RAB27B: variants seen among roughly 807,000 people sequenced by gnomAD.
RAB27B encodes the protein RAB27B, member RAS oncogene family.
Under a neutral mutation model 24.6 loss-of-function variants are expected in RAB27B, and 15 were observed. The observed-to-expected ratio is 0.61, with a 90% CI of 0.41 to 0.94. RAB27B has a LOEUF of 0.94. RAB27B is among the 40% of genes least tolerant of loss of function. RAB27B has a pLI of 0.00. For synonymous variants in RAB27B, 105 were observed against 92.5 expected (o/e 1.14, Z -0.78); for missense variants, 261 against 266.8 (o/e 0.98, Z 0.15).
chr18:54,876,740 T>C (rs887355121), intron 1 of RAB27B, among the ~76,000 whole-genome samples: 8 of 152,152 alleles, frequency 5.3e-5, no homozygotes, highest in African/African-American at 1.9e-4. Context: ...TATAGAAGGC[T>C]CATCCTGCAT....
At chr18:54,770,564 A>G (rs1908512235) in intron 2 of RAB27B, among the ~76,000 whole-genome samples, 1 of 152,052 alleles carries the variant, frequency 6.6e-6, no homozygotes, top group Admixed American at 6.6e-5. Context: ...GCAATGTAAT[A>G]ATAATCGAAA....
chr18:54,884,839 C>T (rs937913123), intron 4 of RAB27B, among the ~76,000 whole-genome samples: 19 of 152,084 alleles, frequency 1.2e-4, no homozygotes, highest in Non-Finnish European at 2.9e-5. Context: ...TCTGAGGGGA[C>T]ACTGGCACTG....
intron 2 of RAB27B, among the ~76,000 whole-genome samples, chr18:54,780,354 G>T (rs1174506441): frequency 3.8e-5 from 5 of 130,330 alleles, no homozygotes; most frequent in South Asian, 2.6e-4. Context: ...TCTCCTGATG[G>T]TCTCCCCCTC....
intron 1 of RAB27B, among the ~76,000 whole-genome samples, chr18:54,874,236 A>T (rs549869268): frequency 6.6e-5 from 10 of 152,304 alleles, no homozygotes; most frequent in South Asian, 2.1e-4. Flanking sequence ...CCTCCACGCT[A>T]TAAGGTTAAA....
At chr18:54,864,463 T>A (rs189771643) in intron 1 of RAB27B, among the ~76,000 whole-genome samples, 68 of 152,162 alleles carry the variant, frequency 4.5e-4, no homozygotes, top group African/African-American at 1.4e-3. Flanking sequence ...TTTTCCTTTT[T>A]TTCATGGTGT....
At position 54,720,079 on chromosome 18, in the gene RAB27B, A is replaced by T. The variant is rs555662570; in HGVS notation, c.-20+1938A>T. 3.5e-3 allele frequency among the ~76,000 whole-genome samples: 529 copies of T among 152,270 alleles called. 2 individuals are homozygous for T. Among genetic ancestry groups the T allele is most frequent in the Non-Finnish European group, 5.7e-3 (389 of 67,952 alleles). On this transcript the variant is annotated intron_variant, in intron 2 of 4. Transcript: ENST00000586570. ...AACTTTCTTCCTGAATTTAAGTCCTAAAATTAAGTCCACTGGCTTGACCTA... is the reference window on the plus strand; with the variant it reads ...AACTTTCTTCCTGAATTTAAGTCCTTAAATTAAGTCCACTGGCTTGACCTA...
chr18:54,876,358 T>A (rs780591810), intron 1 of RAB27B, among the ~76,000 whole-genome samples: 5 of 152,130 alleles, frequency 3.3e-5, no homozygotes, highest in Non-Finnish European at 7.4e-5. Flanking sequence ...TAGGCTGTTG[T>A]TGAAATTTAA....
At chr18:54,872,886 A>G (rs575078016) in intron 1 of RAB27B, among the ~76,000 whole-genome samples, 37 of 152,280 alleles carry the variant, frequency 2.4e-4, no homozygotes, top group African/African-American at 7.5e-4. Flanking sequence ...GCAGCCACTG[A>G]GCTGAGCTCT....
chr18:54,845,169 G>A (rs1356493867), intron 1 of RAB27B, among the ~76,000 whole-genome samples: 1 of 152,130 alleles, frequency 6.6e-6, no homozygotes, highest in Admixed American at 6.5e-5. Flanking sequence ...CACTTTGGGA[G>A]GCCGAGGTGG....
chr18:54,849,273 A>G (rs979340240), intron 1 of RAB27B, among the ~76,000 whole-genome samples: 2 of 152,244 alleles, frequency 1.3e-5, no homozygotes, highest in African/African-American at 4.8e-5. Flanking sequence ...CCAACTATCC[A>G]GGGAGCCTGT....
intron 2 of RAB27B, among the ~76,000 whole-genome samples, chr18:54,719,596 T>C (rs1909295160): frequency 6.6e-6 from 1 of 152,102 alleles, no homozygotes; most frequent in Non-Finnish European, 1.5e-5. Flanking sequence ...AGTGATTTGC[T>C]TCTGAAGGAA....
chr18:54,797,852 T>G (rs11877014), intron 2 of RAB27B, among the ~76,000 whole-genome samples: 7,754 of 152,332 alleles, frequency 0.051, 257 homozygotes, highest in Admixed American at 0.091. Flanking sequence ...TGGACTTATT[T>G]TCTTCCCTTC....
chr18:54,725,372 C>G (rs1471600240), intron 2 of RAB27B, among the ~76,000 whole-genome samples: 4 of 151,370 alleles, frequency 2.6e-5, no homozygotes, highest in Non-Finnish European at 5.9e-5. Flanking sequence ...ATTCAAGTTT[C>G]CAAACAGTGA....
rs539777778 is a variant in RAB27B at position 54,739,113 on chromosome 18, T to G, written c.-20+20972T>G. Among the ~76,000 whole-genome samples, 4 of 152,314 alleles carry G rather than the reference T, an allele frequency of 2.6e-5. No homozygotes were observed. The East Asian group carries it at 7.7e-4, about 29-fold the overall frequency. On this transcript the variant is annotated intron_variant, in intron 2 of 4. Coordinates refer to the RAB27B transcript ENST00000586570. ...CATGTTTTTGAGTTTTGCTGTGTGT[T>G]GTTTCATTTTAATTTATTAGTACTC...
At chr18:54,878,342 A>T (rs558817986) in intron 2 of RAB27B, among the ~76,000 whole-genome samples, 60 of 152,314 alleles carry the variant, frequency 3.9e-4, no homozygotes, top group African/African-American at 1.4e-3. Flanking sequence ...ATATTGTGAC[A>T]TGTGAGATGT....
intron 2 of RAB27B, among the ~76,000 whole-genome samples, chr18:54,762,830 C>T (rs1007064594): frequency 4.6e-5 from 7 of 152,168 alleles, no homozygotes; most frequent in Non-Finnish European, 8.8e-5. Flanking sequence ...TCGCATATTA[C>T]AGCTCCTTCC....
At chr18:54,852,042 C>A (rs1296124205) in intron 1 of RAB27B, among the ~76,000 whole-genome samples, 1 of 152,160 alleles carries the variant, frequency 6.6e-6, no homozygotes, top group East Asian at 1.9e-4. Context: ...GGTTGACTAA[C>A]AACAGAGTTC....
At chr18:54,851,762 C>T (rs956927406) in intron 1 of RAB27B, among the ~76,000 whole-genome samples, 2 of 152,124 alleles carry the variant, frequency 1.3e-5, no homozygotes, top group Non-Finnish European at 2.9e-5. Context: ...AAACCAATTT[C>T]ATCAGAATCT....
At chr18:54,872,196 C>G (rs1912497944) in intron 1 of RAB27B, among the ~76,000 whole-genome samples, 2 of 152,172 alleles carry the variant, frequency 1.3e-5, no homozygotes, top group African/African-American at 4.8e-5. Context: ...TTTATGTGTT[C>G]TCTGCTAGCA....
Sources: allele counts gnomAD v4.1 joint callset (sites outside exome capture counted in the v4.1 genomes callset), GRCh38; gene constraint gnomAD v4.1.1; transcripts MANE v1.5; gene names NCBI Gene and HGNC (gene_info 2026-07-23, HGNC 2026-07-21).